Variants in CADM2 observed in about 807,000 individuals in gnomAD.
CADM2 encodes immunoglobulin superfamily member 4D.
Under a neutral mutation model 49.8 loss-of-function variants are expected in CADM2, and 12 were observed. That is an observed-to-expected ratio of 0.24 (90% CI 0.15 to 0.39). The LOEUF is 0.39. Among genes scored for constraint, CADM2 ranks in the 10% least tolerant of loss-of-function variants. The probability of loss-of-function intolerance (pLI) is 1.00; values close to 1 mark genes in which losing one functional copy is unlikely to be tolerated. For missense variants in CADM2, 378 were observed against 492.3 expected (o/e 0.77, Z 2.20); for synonymous variants, 214 against 175.4 (o/e 1.22, Z -1.74).
intron 2 of CADM2, among the ~76,000 whole-genome samples, chr3:85,786,968 T>C (rs922466098): frequency 4.6e-5 from 7 of 152,210 alleles, no homozygotes; most frequent in African/African-American, 1.7e-4. Flanking sequence ...ACTTGTTCAT[T>C]TGAAAGCATA....
At chr3:85,381,048 G>C (rs922573625) in intron 1 of CADM2, among the ~76,000 whole-genome samples, 4 of 151,974 alleles carry the variant, frequency 2.6e-5, no homozygotes, top group Non-Finnish European at 5.9e-5. Flanking sequence ...TAAATTAACA[G>C]AGCTAGTATT....
intron 1 of CADM2, among the ~76,000 whole-genome samples, chr3:85,383,587 A>G (rs1281857385): frequency 1.4e-5 from 2 of 148,136 alleles, no homozygotes; most frequent in Non-Finnish European, 3.0e-5. Context: ...TAAATAACTG[A>G]CCACTAACCA....
intron 2 of CADM2, among the ~76,000 whole-genome samples, chr3:85,784,927 A>G (rs971248142): frequency 6.6e-6 from 1 of 152,108 alleles, no homozygotes; most frequent in Non-Finnish European, 1.5e-5. Flanking sequence ...TTTTTCTTCT[A>G]CAGGAGACTT....
rs146365752 is a variant in CADM2 at position 85,112,124 on chromosome 3, A to G, written c.61+152456A>G. ...TTACAAAGTTATAGATCAAGGTGCA[A>G]AAAGTGTTGTTGATGGAAACTCTTG... On this transcript the variant is annotated intron_variant, in intron 1 of 9. Transcript: ENST00000383699. 2.2e-4 allele frequency among the ~76,000 whole-genome samples: 34 copies of G among 151,990 alleles called. 1 individual carries two copies. Among genetic ancestry groups the G allele is most frequent in the East Asian group, 7.7e-4 (4 of 5,168 alleles).
At chr3:86,005,968 G>A (rs533413094) in intron 8 of CADM2, among the ~76,000 whole-genome samples, 38 of 152,206 alleles carry the variant, frequency 2.5e-4, no homozygotes, top group Non-Finnish European at 5.9e-5. Flanking sequence ...AGAACATGCA[G>A]TGTTTATCTT....
chr3:85,284,431 A>G (rs969746582), intron 1 of CADM2, among the ~76,000 whole-genome samples: 1 of 152,134 alleles, frequency 6.6e-6, no homozygotes, highest in Non-Finnish European at 1.5e-5. Context: ...ATGAAGACTG[A>G]ACAAGGAGAA....
intron 1 of CADM2, among the ~76,000 whole-genome samples, chr3:85,259,111 A>C (rs1345661739): frequency 6.6e-6 from 1 of 152,148 alleles, no homozygotes; most frequent in East Asian, 1.9e-4. Flanking sequence ...GGGAAACTAA[A>C]ACAAGTACAA....
chr3:85,817,382 C>T (rs1427341324), intron 3 of CADM2, among the ~76,000 whole-genome samples: 1 of 141,210 alleles, frequency 7.1e-6, no homozygotes, highest in Non-Finnish European at 1.5e-5. Flanking sequence ...TTTGGACTTT[C>T]AAAGTCCCAT....
chr3:85,682,703 G>A (rs1302031038), intron 1 of CADM2, among the ~76,000 whole-genome samples: 1 of 152,064 alleles, frequency 6.6e-6, no homozygotes, highest in East Asian at 1.9e-4. Context: ...TTTCTGAAAT[G>A]TGATTGATTC....
chr3:85,634,920 T>A (rs112053632), intron 1 of CADM2, among the ~76,000 whole-genome samples: 2,817 of 152,216 alleles, frequency 0.019, 88 homozygotes, highest in African/African-American at 0.056. Context: ...TGCATACATG[T>A]ATTTAACAAT....
At chr3:85,035,304 A>G (rs1051941162) in intron 1 of CADM2, among the ~76,000 whole-genome samples, 3 of 151,908 alleles carry the variant, frequency 2.0e-5, no homozygotes, top group African/African-American at 7.3e-5. Flanking sequence ...TGAGCTCTTT[A>G]TATATTCTGG....
At chr3:85,947,798 A>G (rs1722925590) in intron 7 of CADM2, among the ~76,000 whole-genome samples, 1 of 151,510 alleles carries the variant, frequency 6.6e-6, no homozygotes, top group Non-Finnish European at 1.5e-5. Context: ...TGTGTTGGGC[A>G]CTCAATCATT....
chr3:85,722,684 G>T (rs868200894), intron 1 of CADM2, among the ~76,000 whole-genome samples: 1 of 152,062 alleles, frequency 6.6e-6, no homozygotes, highest in South Asian at 2.1e-4. Context: ...TATGACCCTT[G>T]TGTTATGACA....
chr3:85,508,891 C>T (rs188340939), intron 1 of CADM2, among the ~76,000 whole-genome samples: 114 of 151,350 alleles, frequency 7.5e-4, no homozygotes, highest in Non-Finnish European at 1.0e-3. Context: ...CCCATGTTTA[C>T]CAGAAACAGT....
intron 1 of CADM2, among the ~76,000 whole-genome samples, chr3:85,202,482 A>AT (rs1226071569): frequency 1.3e-5 from 2 of 152,014 alleles, no homozygotes; most frequent in African/African-American, 2.4e-5. Flanking sequence ...GAGAAGAAAT[A>AT]TTTTTTTCTC....
intron 1 of CADM2, among the ~76,000 whole-genome samples, chr3:85,425,173 C>T (rs2036345606): frequency 6.6e-6 from 1 of 152,142 alleles, no homozygotes. Flanking sequence ...CCCATCTTCT[C>T]CATCATGCAT....
chr3:85,602,613 A>G (rs1046549881), intron 1 of CADM2, among the ~76,000 whole-genome samples: 1 of 151,764 alleles, frequency 6.6e-6, no homozygotes, highest in Non-Finnish European at 1.5e-5. Flanking sequence ...TGTGATTTTA[A>G]AATAGGACAT....
chr3:85,393,444 G>A (rs2034617317), intron 1 of CADM2, among the ~76,000 whole-genome samples: 1 of 152,140 alleles, frequency 6.6e-6, no homozygotes, highest in South Asian at 2.1e-4. Context: ...GTTGAAAGTA[G>A]ATATTGATAG....
intron 1 of CADM2, among the ~76,000 whole-genome samples, chr3:85,326,347 C>T (rs1377297417): frequency 1.3e-5 from 2 of 151,814 alleles, no homozygotes; most frequent in Non-Finnish European, 2.9e-5. Context: ...CTTAAGAATG[C>T]TTATATTGGT....
Sources: allele counts gnomAD v4.1 joint callset (sites outside exome capture counted in the v4.1 genomes callset), GRCh38; gene constraint gnomAD v4.1.1; transcripts MANE v1.5; gene names NCBI Gene and HGNC (gene_info 2026-07-23, HGNC 2026-07-21).